CEP83: variants seen among roughly 807,000 people sequenced by gnomAD.
The protein encoded by CEP83 is centrosomal protein of 83 kDa.
CEP83 carries 70 observed loss-of-function variants against 101.9 expected under a neutral mutation model. That is an observed-to-expected ratio of 0.69 (90% CI 0.57 to 0.84). The LOEUF is 0.84. Ranked by LOEUF, CEP83 falls within the 40% of genes least tolerant of loss-of-function variation. The pLI, the probability that CEP83 is intolerant of heterozygous loss-of-function variation, is 0.00. For missense variants in CEP83, 715 were observed against 787.2 expected, an observed-to-expected ratio of 0.91 and a Z score of 1.10; for synonymous variants, 264 against 267.9, an observed-to-expected ratio of 0.99 and a Z score of 0.14.
intron 16 of CEP83, 132 bp downstream of exon 16, chr12:94,309,786 T>A (rs1030310323): frequency 3.9e-6 from 2 of 509,770 alleles, no homozygotes; most frequent in African/African-American, 3.9e-5. Context: ...TAGTTTTAAA[T>A]GTTTATGCCA....
the CEP83 span, among the ~76,000 whole-genome samples, chr12:94,276,051 A>C: frequency 6.6e-6 from 1 of 152,154 alleles, no homozygotes; most frequent in African/African-American, 2.4e-5. Flanking sequence ...TTTTACATCC[A>C]GTTAAGGGTG....
the CEP83 span, chr12:94,277,780 G>C: frequency 5.5e-6 from 2 of 362,922 alleles, no homozygotes; most frequent in Non-Finnish European, 5.5e-6. Flanking sequence ...TTTTATTGCC[G>C]ATACTATCAT....
intron 11 of CEP83, among the ~76,000 whole-genome samples, chr12:94,336,852 A>T (rs541092918): frequency 7.3e-5 from 11 of 150,226 alleles, no homozygotes; most frequent in Non-Finnish European, 1.6e-4. Context: ...TAAATAAGAG[A>T]TGTGGTCTCA....
At chr12:94,372,968 A>G (rs545266211) in intron 8 of CEP83, among the ~76,000 whole-genome samples, 1 of 152,238 alleles carries the variant, frequency 6.6e-6, no homozygotes. Flanking sequence ...TACTTAACGT[A>G]TGAAAATGTA....
chr12:94,357,764 T>C (rs912290890), intron 11 of CEP83, among the ~76,000 whole-genome samples: 2 of 152,202 alleles, frequency 1.3e-5, no homozygotes, highest in Non-Finnish European at 2.9e-5. Flanking sequence ...GGTGTACAAA[T>C]ACATACAGGA....
At chr12:94,267,472 T>C in the CEP83 span, among the ~76,000 whole-genome samples, 1 of 152,232 alleles carries the variant, frequency 6.6e-6, no homozygotes, top group Non-Finnish European at 1.5e-5. Flanking sequence ...AATTTTTTTT[T>C]CTTTATAGCC....
intron 6 of CEP83, among the ~76,000 whole-genome samples, 171 bp downstream of exon 6, chr12:94,400,677 AAC>A (rs1398062928): frequency 3.3e-5 from 5 of 152,236 alleles, no homozygotes; most frequent in African/African-American, 1.2e-4. Context: ...CCCAAAACAG[AAC>A]TTTCACAAAA....
chr12:94,441,720 C>A (rs924692380), intron 1 of CEP83, among the ~76,000 whole-genome samples: 4 of 152,090 alleles, frequency 2.6e-5, no homozygotes, highest in African/African-American at 9.7e-5. Flanking sequence ...TCAAGACCAT[C>A]TTGACTAACA....
At chr12:94,449,465 A>T (rs2067064431) in intron 1 of CEP83, among the ~76,000 whole-genome samples, 3 of 152,166 alleles carry the variant, frequency 2.0e-5, no homozygotes, top group Admixed American at 6.6e-5. Context: ...AACAGAGATT[A>T]TACAGCACGG....
chr12:94,403,911 A>G (rs1439229289), intron 4 of CEP83, among the ~76,000 whole-genome samples: 2 of 151,860 alleles, frequency 1.3e-5, no homozygotes, highest in African/African-American at 2.4e-5. Context: ...TAAAGTTTGC[A>G]TGTATATTAA....
intron 4 of CEP83, 57 bp from the exon 5 acceptor site, chr12:94,403,319 A>G: frequency 2.5e-6 from 2 of 813,600 alleles, no homozygotes; most frequent in East Asian, 2.5e-5. Flanking sequence ...AGAATTCTCC[A>G]TATTTCAAAG....
intron 1 of CEP83, among the ~76,000 whole-genome samples, chr12:94,454,659 C>T (rs1167347895): frequency 3.3e-5 from 5 of 152,228 alleles, no homozygotes; most frequent in African/African-American, 9.6e-5. Flanking sequence ...TTTTGCTCTT[C>T]GCAATAAATC....
intron 11 of CEP83, among the ~76,000 whole-genome samples, chr12:94,356,383 C>T (rs764637068): frequency 2.6e-5 from 4 of 152,190 alleles, no homozygotes; most frequent in Non-Finnish European, 5.9e-5. Context: ...TCATCCCTAC[C>T]CTTCTGCACC....
chr12:94,373,135 A>T (rs1432276111), intron 8 of CEP83, among the ~76,000 whole-genome samples: 2 of 151,726 alleles, frequency 1.3e-5, no homozygotes, highest in South Asian at 2.1e-4. Context: ...TTTTTTTTTT[A>T]AATAAAATGC....
intron 2 of CEP83, among the ~76,000 whole-genome samples, chr12:94,416,794 C>T (rs1175809820): frequency 1.3e-5 from 2 of 151,984 alleles, no homozygotes; most frequent in Non-Finnish European, 2.9e-5. Context: ...TCACCCCCCA[C>T]CAAGAGTAAC....
At chr12:94,315,440 C>A (rs1451710036) in intron 14 of CEP83, among the ~76,000 whole-genome samples, 1 of 152,054 alleles carries the variant, frequency 6.6e-6, no homozygotes, top group Non-Finnish European at 1.5e-5. Flanking sequence ...TAACCTGATT[C>A]CTACTGATTT....
chr12:94,302,248 T>G (rs1025485883), downstream of CEP83, among the ~76,000 whole-genome samples: 5 of 152,202 alleles, frequency 3.3e-5, no homozygotes, highest in African/African-American at 1.2e-4. Context: ...ACATACCCAC[T>G]GTGCTACAGC....
intron 1 of CEP83, among the ~76,000 whole-genome samples, chr12:94,443,731 C>A (rs578022651): frequency 1.3e-5 from 2 of 152,234 alleles, no homozygotes; most frequent in East Asian, 3.9e-4. Flanking sequence ...AAGTGATCCA[C>A]CCACCTTGGC....
At chr12:94,389,506 A>G (rs76806020) in intron 6 of CEP83, among the ~76,000 whole-genome samples, 7 of 152,340 alleles carry the variant, frequency 4.6e-5, no homozygotes, top group African/African-American at 1.4e-4. Context: ...CGGTTGGTCC[A>G]AGATGGCCAA....
Sources: allele counts gnomAD v4.1 joint callset (sites outside exome capture counted in the v4.1 genomes callset), GRCh38; gene constraint gnomAD v4.1.1; transcripts MANE v1.5; gene names NCBI Gene and HGNC (gene_info 2026-07-23, HGNC 2026-07-21).